Variants in SPIDR observed in about 807,000 individuals in gnomAD.
SPIDR encodes scaffold protein involved in DNA repair.
Under a neutral mutation model 104.6 loss-of-function variants are expected in SPIDR, and 93 were observed. The ratio of observed to expected loss-of-function variants is 0.89; its 90% CI spans 0.75 to 1.06. SPIDR has a LOEUF of 1.06. SPIDR is among the 50% of genes least tolerant of loss of function. The pLI, the probability that SPIDR is intolerant of heterozygous loss-of-function variation, is 0.00. For synonymous variants in SPIDR, 431 were observed against 416.9 expected (o/e 1.03, Z -0.41); for missense variants, 1,154 against 1,111.2 (o/e 1.04, Z -0.55).
chr8:47,519,847 T>G (rs1008539207), intron 8 of SPIDR, among the ~76,000 whole-genome samples: 1 of 152,196 alleles, frequency 6.6e-6, no homozygotes, highest in Non-Finnish European at 1.5e-5. Flanking sequence ...ATAAAAAGAT[T>G]AATTTATAAA....
chr8:47,658,974 T>C (rs185277361), intron 10 of SPIDR, among the ~76,000 whole-genome samples: 1 of 150,762 alleles, frequency 6.6e-6, no homozygotes, highest in Non-Finnish European at 1.5e-5. Context: ...AAGACTCTTC[T>C]CAGCGCCGCA....
At chr8:47,622,543 G>A (rs2065320380) in intron 10 of SPIDR, among the ~76,000 whole-genome samples, 2 of 152,176 alleles carry the variant, frequency 1.3e-5, no homozygotes, top group Admixed American at 6.5e-5. Flanking sequence ...GCCAGCTAGG[G>A]GGTGCACAGA....
At chr8:47,384,588 A>G (rs1045885382) in intron 5 of SPIDR, among the ~76,000 whole-genome samples, 2 of 152,178 alleles carry the variant, frequency 1.3e-5, no homozygotes, top group Admixed American at 1.3e-4. Context: ...AGATTTCTTT[A>G]TCTTCCCTTG....
Position 47,435,903 on chromosome 8 carries a change from T to C in SPIDR, c.878-4420T>C, listed in dbSNP as rs16926282. Among the ~76,000 whole-genome samples, 778 of 152,380 alleles carry C rather than the reference T, an allele frequency of 5.1e-3. 7 individuals carry two copies. Among genetic ancestry groups the C allele is most frequent in the African/African-American group, 0.018 (739 of 41,590 alleles). ...TTGGCTTGTAAGGATATTTGATTAC[T>C]GGGATTAGACCTGCCAGTCATCCTC... On this transcript the variant is annotated intron_variant, in intron 7 of 19. Transcript: ENST00000297423.
At chr8:47,469,161 A>G (rs190344227) in intron 8 of SPIDR, among the ~76,000 whole-genome samples, 281 of 152,364 alleles carry the variant, frequency 1.8e-3, no homozygotes, top group African/African-American at 6.6e-3. Flanking sequence ...CACACCAATT[A>G]GAATGGCTAT....
At chr8:47,671,023 C>T (rs1800921221) in intron 10 of SPIDR, among the ~76,000 whole-genome samples, 1 of 152,128 alleles carries the variant, frequency 6.6e-6, no homozygotes, top group Non-Finnish European at 1.5e-5. Context: ...GATCCTCCCA[C>T]CTCAGCCTTC....
chr8:47,324,929 G>A (rs1202525615), intron 5 of SPIDR, among the ~76,000 whole-genome samples: 14 of 152,092 alleles, frequency 9.2e-5, no homozygotes. Context: ...CTCTCTCTGT[G>A]GCTTGCAAGG....
intron 10 of SPIDR, among the ~76,000 whole-genome samples, chr8:47,605,785 CAGCTCACTCACTCTTTAACAGTA>C (rs2062860687): frequency 6.6e-6 from 1 of 152,094 alleles, no homozygotes; most frequent in Non-Finnish European, 1.5e-5. Context: ...CAGTAAAAAG[CAGCTCACTCACTCTTTAACAGTA>C]AGCATAGATG....
chr8:47,328,242 G>C (rs540705264), intron 5 of SPIDR, among the ~76,000 whole-genome samples: 1 of 151,664 alleles, frequency 6.6e-6, no homozygotes, highest in East Asian at 1.9e-4. Flanking sequence ...TGTATGGTGT[G>C]AGGCAGGTGG....
At chr8:47,550,950 C>T (rs186114832) in intron 8 of SPIDR, among the ~76,000 whole-genome samples, 37 of 152,230 alleles carry the variant, frequency 2.4e-4, no homozygotes, top group Admixed American at 7.2e-4. Flanking sequence ...TCCATCAGTA[C>T]CTAATTTATT....
At chr8:47,299,069 A>G (rs1158273116) in intron 5 of SPIDR, among the ~76,000 whole-genome samples, 13 of 147,558 alleles carry the variant, frequency 8.8e-5, no homozygotes, top group African/African-American at 1.5e-4. Context: ...CACGATATTG[A>G]CTCTTCCTAC....
chr8:47,650,030 TC>T (rs1379257969), intron 10 of SPIDR, among the ~76,000 whole-genome samples: 6 of 152,126 alleles, frequency 3.9e-5, no homozygotes, highest in Non-Finnish European at 1.5e-5. Context: ...CTGAAAGCAT[TC>T]CCCTTGATAA....
At chr8:47,657,282 G>A (rs2073005715) in intron 10 of SPIDR, among the ~76,000 whole-genome samples, 1 of 151,758 alleles carries the variant, frequency 6.6e-6, no homozygotes, top group Non-Finnish European at 1.5e-5. Context: ...GAATTGTGCT[G>A]AGGAAAAAAA....
At chr8:47,564,072 C>CTTTTTTTTTTTTTTTTTTTTTTT (rs869220760) in intron 8 of SPIDR, among the ~76,000 whole-genome samples, 1 of 76,836 alleles carries the variant, frequency 1.3e-5, no homozygotes, top group Non-Finnish European at 2.3e-5. Flanking sequence ...TTTTTCTTTT[C>CTTTTTTTTTTTTTTTTTTTTTTT]TTTTTTTTTT....
chr8:47,374,979 C>T (rs782542391), intron 5 of SPIDR, among the ~76,000 whole-genome samples: 21 of 151,932 alleles, frequency 1.4e-4, no homozygotes, highest in Non-Finnish European at 2.8e-4. Flanking sequence ...CACTTGAACC[C>T]GGGCAGTGGA....
At chr8:47,510,658 A>G (rs2154375757) in intron 8 of SPIDR, among the ~76,000 whole-genome samples, 1 of 152,314 alleles carries the variant, frequency 6.6e-6, no homozygotes. Flanking sequence ...TACTTGTTGA[A>G]TTGTTGATAG....
chr8:47,636,924 AG>A lies in SPIDR; in HGVS notation c.1545-36874del, dbSNP rs752602448. 4.6e-5 allele frequency among the ~76,000 whole-genome samples: 7 copies of A among 152,162 alleles called. No homozygotes were observed. The East Asian group carries it at 7.7e-4, about 17-fold the overall frequency. On this transcript the variant is annotated intron_variant, in intron 10 of 19. Transcript: ENST00000297423. ...TGTCGTGAGAGTACTGTTCCTTCTG[AG>A]GGTATTGATTACCAAATCTCAACCA...
At chr8:47,598,562 C>T (rs2061887622) in intron 9 of SPIDR, among the ~76,000 whole-genome samples, 1 of 152,156 alleles carries the variant, frequency 6.6e-6, no homozygotes, top group Admixed American at 6.5e-5. Context: ...TTTGTATTAT[C>T]CCTAGTCATT....
At chr8:47,549,945 A>G (rs937945379) in intron 8 of SPIDR, among the ~76,000 whole-genome samples, 12 of 152,312 alleles carry the variant, frequency 7.9e-5, no homozygotes, top group Non-Finnish European at 1.2e-4. Context: ...TTTTTGTATA[A>G]GGTGTAAAGA....
Sources: gnomAD v4.1 joint callset for allele counts (sites outside exome capture counted in the v4.1 genomes callset) on GRCh38, gnomAD v4.1.1 for gene constraint, MANE v1.5 for transcripts, NCBI Gene and HGNC (gene_info 2026-07-23, HGNC 2026-07-21) for gene names.